RIGI: variants seen among roughly 807,000 people sequenced by gnomAD.
RIGI encodes the protein RNA sensor RIG-I, also known as antiviral innate immune response receptor RIG-I.
the RIGI span, among the ~76,000 whole-genome samples, chr9:32,471,076 G>A: frequency 2.0e-5 from 3 of 152,198 alleles, no homozygotes; most frequent in Admixed American, 1.3e-4. Flanking sequence ...TGGCCAACAT[G>A]GCAAAATCCT....
the RIGI span, chr9:32,467,932 C>G: frequency 1.3e-6 from 2 of 1,582,384 alleles, no homozygotes; most frequent in Non-Finnish European, 1.7e-6. Flanking sequence ...GAGGGTCATT[C>G]CTGTGTCAGA....
At chr9:32,509,131 C>T in the RIGI span, among the ~76,000 whole-genome samples, 1 of 152,174 alleles carries the variant, frequency 6.6e-6, no homozygotes, top group African/African-American at 2.4e-5. Flanking sequence ...TCCCATTTCC[C>T]TGGGAGAGGG....
chr9:32,484,750 C>T, the RIGI span, among the ~76,000 whole-genome samples: 3 of 152,164 alleles, frequency 2.0e-5, no homozygotes, highest in Non-Finnish European at 4.4e-5. Flanking sequence ...CAAATCCAGG[C>T]CCTTCACTGT....
chr9:32,484,430 T>C, the RIGI span, among the ~76,000 whole-genome samples: 1 of 152,076 alleles, frequency 6.6e-6, no homozygotes, highest in East Asian at 1.9e-4. Context: ...AACTCAAAAC[T>C]CAAAACCTTG....
chr9:32,506,979 G>A, the RIGI span, among the ~76,000 whole-genome samples: 14 of 152,158 alleles, frequency 9.2e-5, no homozygotes, highest in Non-Finnish European at 2.1e-4. Flanking sequence ...TTTGAAAGTA[G>A]CTATACTTGT....
At chr9:32,513,767 A>C in the RIGI span, among the ~76,000 whole-genome samples, 3 of 152,252 alleles carry the variant, frequency 2.0e-5, no homozygotes, top group African/African-American at 7.2e-5. Flanking sequence ...ACAGCTAAAG[A>C]AACTATCATC....
At chr9:32,501,502 C>T in the RIGI span, among the ~76,000 whole-genome samples, 8 of 151,968 alleles carry the variant, frequency 5.3e-5, no homozygotes, top group Non-Finnish European at 8.8e-5. Context: ...GAAAACTTGT[C>T]TTGAAATAGG....
chr9:32,514,903 T>A, the RIGI span, among the ~76,000 whole-genome samples: 3 of 152,194 alleles, frequency 2.0e-5, no homozygotes, highest in Non-Finnish European at 4.4e-5. Context: ...TTCCAGTAAT[T>A]TCTGTAAGAA....
At chr9:32,517,714 T>A in the RIGI span, among the ~76,000 whole-genome samples, 6 of 152,220 alleles carry the variant, frequency 3.9e-5, no homozygotes, top group African/African-American at 1.4e-4. Context: ...ATGCTGTTAG[T>A]TTAATGAAAA....
the RIGI span, among the ~76,000 whole-genome samples, chr9:32,507,448 A>C: frequency 6.6e-6 from 1 of 152,128 alleles, no homozygotes; most frequent in Non-Finnish European, 1.5e-5. Flanking sequence ...TAATAAAGAT[A>C]TCTTATAATT....
the RIGI span, among the ~76,000 whole-genome samples, chr9:32,522,493 A>G: frequency 6.6e-6 from 1 of 152,176 alleles, no homozygotes; most frequent in Non-Finnish European, 1.5e-5. Context: ...GCCTTGTGAG[A>G]GGTTCCAGCA....
chr9:32,479,096 A>T, the RIGI span, among the ~76,000 whole-genome samples: 2 of 152,172 alleles, frequency 1.3e-5, no homozygotes, highest in African/African-American at 2.4e-5. Flanking sequence ...TATACCAACA[A>T]CCATATCAGA....
the RIGI span, chr9:32,501,067 A>C: frequency 8.3e-7 from 1 of 1,200,712 alleles, no homozygotes; most frequent in African/African-American, 1.5e-5. Context: ...GCATTGGAAG[A>C]ATCTTTGGAG....
the RIGI span, among the ~76,000 whole-genome samples, chr9:32,514,109 G>A: frequency 2.0e-5 from 3 of 152,170 alleles, no homozygotes; most frequent in Non-Finnish European, 2.9e-5. Flanking sequence ...AAACAGGAAC[G>A]CTTTTACACT....
chr9:32,456,350 A>G, the RIGI span: 81 of 152,054 alleles, frequency 5.3e-4, no homozygotes, highest in African/African-American at 1.9e-3. Context: ...ACATACAGCA[A>G]CTCTACAGTG....
the RIGI span, among the ~76,000 whole-genome samples, chr9:32,512,558 G>A: frequency 2.6e-5 from 4 of 152,140 alleles, no homozygotes; most frequent in Non-Finnish European, 2.9e-5. Flanking sequence ...AGGTATTGAT[G>A]GAATGTATCT....
chr9:32,515,339 C>CAT, the RIGI span, among the ~76,000 whole-genome samples: 1 of 100,810 alleles, frequency 9.9e-6, no homozygotes, highest in South Asian at 3.7e-4. Flanking sequence ...AAAAAAGCCA[C>CAT]ACGTTTGTTT....
the RIGI span, among the ~76,000 whole-genome samples, chr9:32,504,475 C>T: frequency 1.8e-4 from 27 of 151,782 alleles, no homozygotes; most frequent in Non-Finnish European, 3.5e-4. Flanking sequence ...TCCAGGAGTT[C>T]GAGACTAGCC....
the RIGI span, chr9:32,493,694 T>C: frequency 6.0e-5 from 64 of 1,069,554 alleles, no homozygotes; most frequent in Non-Finnish European, 8.0e-5. Context: ...TAAAACAGTA[T>C]AGAAAACAGA....
Sources: allele counts gnomAD v4.1 joint callset (sites outside exome capture counted in the v4.1 genomes callset), GRCh38; gene constraint gnomAD v4.1.1; transcripts MANE v1.5; gene names NCBI Gene and HGNC (gene_info 2026-07-23, HGNC 2026-07-21).